The following CSNK2A2IP variants were observed in gnomAD, a reference collection of about 807,000 sequenced individuals.
CSNK2A2IP encodes casein kinase II subunit alpha'-interacting protein.
the CSNK2A2IP span, among the ~76,000 whole-genome samples, chr3:88,402,432 C>G: frequency 2.0e-5 from 3 of 152,030 alleles, no homozygotes; most frequent in African/African-American, 7.2e-5. Flanking sequence ...CAGAAAAACT[C>G]TTGCATATGT....
the CSNK2A2IP span, among the ~76,000 whole-genome samples, chr3:88,408,689 T>G: frequency 1.7e-4 from 26 of 152,120 alleles, no homozygotes; most frequent in Admixed American, 1.4e-3. Flanking sequence ...TGTTCAAGAT[T>G]GCCCATTGAA....
the CSNK2A2IP span, among the ~76,000 whole-genome samples, chr3:88,412,682 T>C: frequency 6.6e-6 from 1 of 151,996 alleles, no homozygotes; most frequent in Non-Finnish European, 1.5e-5. Flanking sequence ...GAGCACTTCG[T>C]TGAGTGTACT....
the CSNK2A2IP span, among the ~76,000 whole-genome samples, chr3:88,377,843 A>C: frequency 6.6e-6 from 1 of 151,880 alleles, no homozygotes; most frequent in African/African-American, 2.4e-5. Flanking sequence ...AAACCTGAAA[A>C]GACTCTTTAG....
the CSNK2A2IP span, among the ~76,000 whole-genome samples, chr3:88,383,651 C>CTTTT: frequency 2.3e-4 from 20 of 88,540 alleles, no homozygotes; most frequent in African/African-American, 8.8e-4. Flanking sequence ...TCTTTTCTTT[C>CTTTT]TTTTTTTTTT....
the CSNK2A2IP span, among the ~76,000 whole-genome samples, chr3:88,362,104 A>G: frequency 2.6e-5 from 4 of 152,034 alleles, no homozygotes; most frequent in Non-Finnish European, 2.9e-5. Context: ...ATCACAGGTG[A>G]CAAATGTAGT....
At chr3:88,465,213 A>G in the CSNK2A2IP span, 5 of 439,094 alleles carry the variant, frequency 1.1e-5, no homozygotes, top group Non-Finnish European at 1.9e-5. Flanking sequence ...AATATTTGAG[A>G]ATTAACAGAA....
chr3:88,445,038 G>A, the CSNK2A2IP span, among the ~76,000 whole-genome samples: 1 of 152,114 alleles, frequency 6.6e-6, no homozygotes, highest in East Asian at 1.9e-4. Context: ...ATCATGGATA[G>A]TTCCCATTTT....
the CSNK2A2IP span, among the ~76,000 whole-genome samples, chr3:88,454,013 G>A: frequency 6.6e-6 from 1 of 151,974 alleles, no homozygotes; most frequent in Admixed American, 6.6e-5. Flanking sequence ...AGGATAAAGT[G>A]TTTTCCAAAC....
At chr3:88,448,316 A>C in the CSNK2A2IP span, among the ~76,000 whole-genome samples, 2 of 152,178 alleles carry the variant, frequency 1.3e-5, no homozygotes, top group Non-Finnish European at 2.9e-5. Flanking sequence ...TGTCTATGTC[A>C]ATGTCTGTCT....
At chr3:88,358,245 T>A in the CSNK2A2IP span, among the ~76,000 whole-genome samples, 1 of 151,836 alleles carries the variant, frequency 6.6e-6, no homozygotes, top group Non-Finnish European at 1.5e-5. Flanking sequence ...GCTGGAGTCC[T>A]TAGGATTTTC....
the CSNK2A2IP span, chr3:88,467,238 C>T: frequency 5.8e-4 from 232 of 401,408 alleles, no homozygotes; most frequent in African/African-American, 4.7e-3. Context: ...CCTCCTCCTC[C>T]TCTGTTGCCT....
chr3:88,444,092 T>C, the CSNK2A2IP span, among the ~76,000 whole-genome samples: 1 of 152,084 alleles, frequency 6.6e-6, no homozygotes, highest in Non-Finnish European at 1.5e-5. Flanking sequence ...ATTTTTCAAT[T>C]GTACATTTTA....
the CSNK2A2IP span, among the ~76,000 whole-genome samples, chr3:88,447,937 C>T: frequency 6.6e-6 from 1 of 152,120 alleles, no homozygotes; most frequent in Non-Finnish European, 1.5e-5. Context: ...AGTAGATAGG[C>T]TAAAATAGTG....
At chr3:88,433,203 C>G in the CSNK2A2IP span, among the ~76,000 whole-genome samples, 29,129 of 151,804 alleles carry the variant, frequency 0.19, 2,987 homozygotes, top group African/African-American at 0.23. Flanking sequence ...TTATTACTTA[C>G]TGATCCCGAC....
At chr3:88,429,683 C>T in the CSNK2A2IP span, among the ~76,000 whole-genome samples, 123,361 of 152,014 alleles carry the variant, frequency 0.81, 50,730 homozygotes, top group Non-Finnish European at 0.88. Flanking sequence ...TGAAACCCTT[C>T]AGACCTTGGT....
the CSNK2A2IP span, among the ~76,000 whole-genome samples, chr3:88,408,983 T>C: frequency 6.6e-6 from 1 of 152,024 alleles, no homozygotes; most frequent in Non-Finnish European, 1.5e-5. Flanking sequence ...GGCCCAGGAA[T>C]AGTGTAATTA....
At chr3:88,449,820 G>GACACAC in the CSNK2A2IP span, among the ~76,000 whole-genome samples, 1,988 of 46,942 alleles carry the variant, frequency 0.042, 45 homozygotes, top group Non-Finnish European at 0.049. Context: ...TTTATATCGA[G>GACACAC]ACACACACAC....
At chr3:88,412,929 G>A in the CSNK2A2IP span, among the ~76,000 whole-genome samples, 1 of 151,964 alleles carries the variant, frequency 6.6e-6, no homozygotes, top group Non-Finnish European at 1.5e-5. Context: ...TATGCAGCAC[G>A]TGGCTATATA....
At chr3:88,467,137 G>C in the CSNK2A2IP span, 117 of 415,428 alleles carry the variant, frequency 2.8e-4, 2 homozygotes, top group South Asian at 9.0e-3. Flanking sequence ...CCAGGCTATT[G>C]ACTGGCTGTT....
Sources: gnomAD v4.1 joint callset for allele counts (sites outside exome capture counted in the v4.1 genomes callset) on GRCh38, gnomAD v4.1.1 for gene constraint, MANE v1.5 for transcripts, NCBI Gene and HGNC (gene_info 2026-07-23, HGNC 2026-07-21) for gene names.